The following ZCWPW2 variants were observed in gnomAD, a reference collection of about 807,000 sequenced individuals.
ZCWPW2 encodes the protein zinc finger CW-type PWWP domain protein 2.
ZCWPW2 carries 45 observed loss-of-function variants against 46.6 expected under a neutral mutation model. That is an observed-to-expected ratio of 0.96 (90% CI 0.76 to 1.24). ZCWPW2 has a LOEUF of 1.24. ZCWPW2 is among the 50% of genes most tolerant of loss of function. The pLI is 0.00. For synonymous variants in ZCWPW2, 152 were observed against 137.1 expected (o/e 1.11, Z -0.76); for missense variants, 429 against 403.9 (o/e 1.06, Z -0.53).
In ZCWPW2 at chr3:28,385,914, T is replaced by C. The variant is rs544553792; in HGVS notation, c.-133-4584T>C. On this transcript the variant is annotated intron_variant, in intron 1 of 9. Coordinates refer to ENST00000383768, the MANE Select transcript of ZCWPW2 (RefSeq NM_001040432.4). Reference sequence around the variant, plus strand: ...TTATTTTCTTGTTTCTTACACTCTCTTTATCTGGCTTTTAAGCTTTTTTTT... The same window carrying C: ...TTATTTTCTTGTTTCTTACACTCTCCTTATCTGGCTTTTAAGCTTTTTTTT... Among the ~76,000 whole-genome samples the C allele has an allele frequency of 2.5e-3, 384 of 152,200 alleles. 1 individual carries two copies. Among genetic ancestry groups the C allele is most frequent in the African/African-American group, 8.4e-3 (348 of 41,514 alleles).
chr3:28,446,963 C>G (rs1698018750), intron 4 of ZCWPW2, among the ~76,000 whole-genome samples: 1 of 152,020 alleles, frequency 6.6e-6, no homozygotes. Context: ...AAAACTAAAG[C>G]ATGAAGAAAT....
rs573895815 is a variant in ZCWPW2 at position 28,414,024 on chromosome 3, A to G, written c.332+624A>G. On this transcript the variant is annotated intron_variant, in intron 3 of 9. Coordinates refer to ENST00000383768, the MANE Select transcript of ZCWPW2 (RefSeq NM_001040432.4). ...TGGTTTTCCCAAGTATGCAGTGTGCACTTTCAGTATATAACTTCAAGTCTT... is the reference window on the plus strand; with the variant it reads ...TGGTTTTCCCAAGTATGCAGTGTGCGCTTTCAGTATATAACTTCAAGTCTT... Among the ~76,000 whole-genome samples the G allele has an allele frequency of 6.6e-5, 10 of 152,184 alleles. No individual in the cohort carries two copies. In the South Asian group the frequency reaches 1.7e-3, roughly 25 times the overall value.
intron 4 of ZCWPW2, among the ~76,000 whole-genome samples, chr3:28,454,320 T>C (rs1299532869): frequency 6.6e-6 from 1 of 152,160 alleles, no homozygotes; most frequent in Admixed American, 6.5e-5. Flanking sequence ...TCCTAGCATT[T>C]TTAAAAATGA....
intron 5 of ZCWPW2, among the ~76,000 whole-genome samples, chr3:28,481,599 A>G (rs1215858248): frequency 6.6e-6 from 1 of 152,172 alleles, no homozygotes; most frequent in Non-Finnish European, 1.5e-5. Context: ...TATATTTTAC[A>G]AGCCCCTTTT....
rs142281627 is a variant in ZCWPW2, at chr3:28,425,416, C to G, written c.333-9694C>G. ...AGAAAAATATAAGGATAGCATTAAC[C>G]AACTAGAAACAAATATTAGATCTTA... On this transcript the variant is annotated intron_variant, in intron 3 of 9. Transcript: ENST00000383768. Among the ~76,000 whole-genome samples the G allele has an allele frequency of 2.0e-5, 3 of 152,128 alleles. No individual in the cohort carries two copies. In the East Asian group the frequency reaches 5.8e-4, roughly 29 times the overall value.
intron 1 of ZCWPW2, among the ~76,000 whole-genome samples, chr3:28,361,960 A>G (rs1463225101): frequency 4.6e-5 from 7 of 152,134 alleles, no homozygotes; most frequent in Admixed American, 3.3e-4. Flanking sequence ...GGAAAATGTT[A>G]TAGAGGTTTC....
intron 4 of ZCWPW2, among the ~76,000 whole-genome samples, chr3:28,448,396 A>G (rs879768617): frequency 3.9e-5 from 6 of 152,304 alleles, no homozygotes; most frequent in East Asian, 3.9e-4. Flanking sequence ...TACTTGTACA[A>G]TGAAAACTAC....
At position 28,390,630 on chromosome 3, in the gene ZCWPW2, G is replaced by T; in HGVS notation, c.-14+13G>T. Reference sequence around the variant, plus strand: ...AAAGTCTAACTCCGTAAGTACTTGAGAAACTCCAAAATGTTTTTCTCTAGT... The same window carrying T: ...AAAGTCTAACTCCGTAAGTACTTGATAAACTCCAAAATGTTTTTCTCTAGT... On this transcript the variant is annotated intron_variant, in intron 2 of 9. Transcript: ENST00000383768. 1 of 985,340 alleles carries T rather than the reference G, an allele frequency of 1.0e-6. No individual in the cohort carries two copies. 61.0% of individuals were successfully genotyped at this position (985,340 alleles called of 1,614,324 possible).
intron 1 of ZCWPW2, among the ~76,000 whole-genome samples, chr3:28,361,607 GAAGAAAATATTTGCAAACCATGC>G (rs1049520344): frequency 8.6e-5 from 13 of 151,756 alleles, no homozygotes; most frequent in African/African-American, 3.1e-4. Context: ...CTATAGAATG[GAAGAAAATATTTGCAAACCATGC>G]ATCTGATAGG....
At chr3:28,381,427 A>T (rs762815316) in intron 1 of ZCWPW2, among the ~76,000 whole-genome samples, 81 of 152,084 alleles carry the variant, frequency 5.3e-4, no homozygotes, top group Non-Finnish European at 1.0e-3. Context: ...GATCATCATG[A>T]AGGTCTTCGT....
intron 6 of ZCWPW2, among the ~76,000 whole-genome samples, chr3:28,492,743 C>T (rs550101766): frequency 2.6e-5 from 4 of 152,120 alleles, no homozygotes; most frequent in South Asian, 4.1e-4. Flanking sequence ...ATAGGATGAA[C>T]CTTGACATTC....
In ZCWPW2 at chr3:28,487,745, C is replaced by T. The variant is rs558697384; in HGVS notation, c.611-4382C>T. On this transcript the variant is annotated intron_variant, in intron 5 of 9. Transcript: ENST00000383768. ...ATAGTTTAGCAGTGCAGTGGTAAGA[C>T]ATGAGGGGGAGGGAAAGCATTCTAT... 2.6e-5 allele frequency among the ~76,000 whole-genome samples: 4 copies of T among 152,236 alleles called. No homozygotes were observed. In the East Asian group the frequency reaches 7.7e-4, roughly 29 times the overall value.
chr3:28,428,719 C>A (rs560092832), intron 3 of ZCWPW2, among the ~76,000 whole-genome samples: 1 of 152,248 alleles, frequency 6.6e-6, no homozygotes, highest in East Asian at 1.9e-4. Flanking sequence ...AACATGGGAG[C>A]AATTCCCCCA....
Position 28,478,853 on chromosome 3 carries a change from G to A in ZCWPW2, c.532G>A (p.Ala178Thr). The change falls in exon 5 of 10, where the codon GCA (alanine) becomes ACA (threonine). Residue 178 changes from alanine (A) to threonine (T), a missense_variant. By Grantham distance (58) the Ala-to-Thr change is moderately conservative. Coordinates refer to ENST00000383768, the MANE Select transcript of ZCWPW2 (RefSeq NM_001040432.4). ...GAATAAAAAGAAGTGGTATAAAAGTGCACTACAAGAAGCATGTCTACTCTA... is the reference window on the plus strand; with the variant it reads ...GAATAAAAAGAAGTGGTATAAAAGTACACTACAAGAAGCATGTCTACTCTA... ...CKNKKKWYKS[A>T]LQEACLLYGY... 6 of 1,577,642 alleles carry A rather than the reference G, an allele frequency of 3.8e-6. No individual in the cohort carries two copies. The highest frequency in any genetic ancestry group is 1.7e-4 in the Middle Eastern group (1 of 5,924).
intron 8 of ZCWPW2, 132 bp from the exon 9 acceptor site, chr3:28,520,860 A>G: frequency 9.1e-7 from 1 of 1,097,726 alleles, no homozygotes; most frequent in South Asian, 1.6e-5. Flanking sequence ...TCATGTATGA[A>G]AATTATATGA....
rs1700546406 is a variant in ZCWPW2 at position 28,515,730 on chromosome 3, T to TCCACAGAATGTAGTTGTAGTCCTTTGAAG, written c.784+109_784+110insCCACAGAATGTAGTTGTAGTCCTTTGAAG. 8 of 795,822 alleles carry TCCACAGAATGTAGTTGTAGTCCTTTGAAG rather than the reference T, an allele frequency of 1.0e-5. 1 individual carries two copies. The African/African-American group carries it at 1.2e-4, about 12-fold the overall frequency. The allele number at this position is 795,822 out of a possible 1,614,324, so 49.3% of individuals were successfully genotyped here. ...AAAAGATTTCCTGTGTGTGTGTGTG[T>TCCACAGAATGTAGTTGTAGTCCTTTGAAG]GTGTGTGTGTGTGTGTATACACATA... On this transcript the variant is annotated intron_variant, in intron 8 of 9. Coordinates refer to ENST00000383768, the MANE Select transcript of ZCWPW2 (RefSeq NM_001040432.4).
At chr3:28,466,950 GACAA>G (rs1162292110) in intron 4 of ZCWPW2, among the ~76,000 whole-genome samples, 10 of 151,952 alleles carry the variant, frequency 6.6e-5, no homozygotes, top group Non-Finnish European at 1.2e-4. Flanking sequence ...TGAGACTTTT[GACAA>G]ACTAATTATA....
chr3:28,406,898 G>C (rs1696186322), intron 2 of ZCWPW2, among the ~76,000 whole-genome samples: 1 of 148,212 alleles, frequency 6.7e-6, no homozygotes, highest in Admixed American at 6.8e-5. Context: ...CATCATCATA[G>C]CTCACTGCAG....
chr3:28,520,279 G>A (rs971819739), intron 8 of ZCWPW2, among the ~76,000 whole-genome samples: 1 of 152,118 alleles, frequency 6.6e-6, no homozygotes, highest in African/African-American at 2.4e-5. Context: ...TGGGATTACA[G>A]GCGTAAGCAT....
Sources: gnomAD v4.1 joint callset for allele counts (sites outside exome capture counted in the v4.1 genomes callset) on GRCh38, gnomAD v4.1.1 for gene constraint, MANE v1.5 for transcripts, NCBI Gene and HGNC (gene_info 2026-07-23, HGNC 2026-07-21) for gene names.